Variants in STARD13 observed in about 807,000 individuals in gnomAD.
The protein encoded by STARD13 is StAR related lipid transfer domain containing 13, also known as stAR-related lipid transfer protein 13.
In STARD13, 62 loss-of-function variants were observed where a neutral mutation model predicts 106.4. The ratio of observed to expected loss-of-function variants is 0.58; its 90% CI spans 0.48 to 0.72. The LOEUF is 0.72. Among genes scored for constraint, STARD13 ranks in the 30% least tolerant of loss-of-function variants. The pLI, the probability that STARD13 is intolerant of heterozygous loss-of-function variation, is 0.00. For synonymous variants in STARD13, 565 were observed against 553.0 expected (o/e 1.02, Z -0.31); for missense variants, 1,387 against 1,424.0 (o/e 0.97, Z 0.42).
the STARD13 span, chr13:33,676,793 G>T: frequency 6.6e-6 from 1 of 152,116 alleles, no homozygotes; most frequent in East Asian, 1.9e-4. Flanking sequence ...CCCGAGAAGA[G>T]CCCAGCCTCC....
the STARD13 span, among the ~76,000 whole-genome samples, chr13:33,389,627 A>G: frequency 1.3e-5 from 2 of 152,320 alleles, no homozygotes; most frequent in Non-Finnish European, 2.9e-5. Flanking sequence ...CACATGAGAA[A>G]TTAATTATTC....
chr13:33,549,006 C>G, the STARD13 span, among the ~76,000 whole-genome samples: 1 of 151,888 alleles, frequency 6.6e-6, no homozygotes, highest in Non-Finnish European at 1.5e-5. Flanking sequence ...GAAAAGATGA[C>G]TGATAATTAT....
the STARD13 span, among the ~76,000 whole-genome samples, chr13:33,675,601 T>C: frequency 1.1e-4 from 16 of 152,074 alleles, no homozygotes; most frequent in East Asian, 3.1e-3. Flanking sequence ...TGGAGGGAGA[T>C]ATGGATGCAG....
the STARD13 span, among the ~76,000 whole-genome samples, chr13:33,661,988 C>T: frequency 5.9e-5 from 9 of 151,756 alleles, no homozygotes; most frequent in Admixed American, 2.6e-4. Flanking sequence ...TTTGGCTGGT[C>T]GCGGTGGCTC....
intron 1 of STARD13, among the ~76,000 whole-genome samples, chr13:33,283,831 T>C (rs923037818): frequency 2.1e-4 from 32 of 152,196 alleles, no homozygotes; most frequent in African/African-American, 7.5e-4. Context: ...AAATCTTGAA[T>C]GGAAAAATAA....
intron 1 of STARD13, among the ~76,000 whole-genome samples, chr13:33,256,224 A>G (rs1207339685): frequency 6.6e-6 from 1 of 152,210 alleles, no homozygotes; most frequent in African/African-American, 2.4e-5. Context: ...TTTTACAGGC[A>G]TGGGAACTAA....
intron 1 of STARD13, among the ~76,000 whole-genome samples, chr13:33,304,496 T>G (rs997221568): frequency 1.3e-5 from 2 of 152,146 alleles, no homozygotes; most frequent in African/African-American, 4.8e-5. Context: ...AAAAACCCCT[T>G]AAAATACTGG....
At chr13:33,149,936 T>A (rs1881052018) in intron 3 of STARD13, among the ~76,000 whole-genome samples, 2 of 152,220 alleles carry the variant, frequency 1.3e-5, no homozygotes, top group Admixed American at 1.3e-4. Context: ...TAATATAAAA[T>A]CCTTCAGATA....
At chr13:33,167,760 A>G in intron 1 of STARD13, 138 bp from the exon 2 acceptor site, 1 of 789,336 alleles carries the variant, frequency 1.3e-6, no homozygotes. Flanking sequence ...CTGCATAAGT[A>G]GGCTTACCCG....
chr13:33,545,774 A>G, the STARD13 span, among the ~76,000 whole-genome samples: 1 of 152,060 alleles, frequency 6.6e-6, no homozygotes, highest in Non-Finnish European at 1.5e-5. Context: ...CTCGCTTACC[A>G]TGTGATCTCT....
intron 1 of STARD13, chr13:33,185,970 C>T (rs756268336): frequency 3.7e-6 from 6 of 1,614,092 alleles, no homozygotes; most frequent in East Asian, 2.2e-5. Flanking sequence ...CACCAAGCAC[C>T]ACAAAGGGGC....
the STARD13 span, among the ~76,000 whole-genome samples, chr13:33,513,751 C>A: frequency 1.3e-5 from 2 of 152,110 alleles, no homozygotes; most frequent in East Asian, 3.9e-4. Context: ...TTACTATAAC[C>A]TTTCTTAGAT....
chr13:33,273,041 T>G (rs370885842), intron 1 of STARD13: 34 of 152,238 alleles, frequency 2.2e-4, no homozygotes, highest in African/African-American at 7.7e-4. Flanking sequence ...CTCCACTTAT[T>G]GATAGCGCCC....
chr13:33,211,410 G>A (rs1463724209), intron 1 of STARD13, among the ~76,000 whole-genome samples: 1 of 151,992 alleles, frequency 6.6e-6, no homozygotes, highest in African/African-American at 2.4e-5. Context: ...AGTTTGGTGT[G>A]TATCCTTCCA....
At chr13:33,135,221 AG>A (rs1359193952) in intron 4 of STARD13, among the ~76,000 whole-genome samples, 2 of 152,256 alleles carry the variant, frequency 1.3e-5, no homozygotes, top group Admixed American at 1.3e-4. Context: ...GAGTGTGGTC[AG>A]GGGGCTGCCA....
At chr13:33,383,228 C>G in the STARD13 span, among the ~76,000 whole-genome samples, 1 of 152,200 alleles carries the variant, frequency 6.6e-6, no homozygotes, top group Non-Finnish European at 1.5e-5. Flanking sequence ...GAATACTACA[C>G]ACGGAGAAGA....
At chr13:33,571,147 T>C in the STARD13 span, among the ~76,000 whole-genome samples, 1 of 152,122 alleles carries the variant, frequency 6.6e-6, no homozygotes. Flanking sequence ...GTCAGACTCC[T>C]GAGGGGAAGA....
At chr13:33,645,189 T>C in the STARD13 span, among the ~76,000 whole-genome samples, 1 of 152,114 alleles carries the variant, frequency 6.6e-6, no homozygotes, top group Non-Finnish European at 1.5e-5. Flanking sequence ...TCTACAAGCC[T>C]CCGTTACAAG....
At chr13:33,554,348 TC>T in the STARD13 span, among the ~76,000 whole-genome samples, 1 of 152,108 alleles carries the variant, frequency 6.6e-6, no homozygotes, top group Admixed American at 6.5e-5. Flanking sequence ...AAAGAGAAAT[TC>T]TCAATTTTGT....
Sources: gnomAD v4.1 joint callset for allele counts (sites outside exome capture counted in the v4.1 genomes callset) on GRCh38, gnomAD v4.1.1 for gene constraint, MANE v1.5 for transcripts, NCBI Gene and HGNC (gene_info 2026-07-23, HGNC 2026-07-21) for gene names.